SOX6: variants seen among roughly 807,000 people sequenced by gnomAD.
SOX6 encodes transcription factor SOX-6.
In SOX6, 11 loss-of-function variants were observed where a neutral mutation model predicts 97.8. The ratio of observed to expected loss-of-function variants is 0.11; its 90% CI spans 0.07 to 0.19. The LOEUF is 0.19. Among genes scored for constraint, SOX6 ranks in the 10% least tolerant of loss-of-function variants. The pLI is 1.00. For synonymous variants in SOX6, 360 were observed against 371.4 expected (o/e 0.97, Z 0.35); for missense variants, 810 against 1,039.5 (o/e 0.78, Z 3.04).
chr11:16,655,448 G>T (rs1847708191), intron 3 of SOX6, among the ~76,000 whole-genome samples: 1 of 152,098 alleles, frequency 6.6e-6, no homozygotes, highest in Admixed American at 6.5e-5. Context: ...TGACATAAAG[G>T]GCAAAAGAAT....
At chr11:16,561,976 C>T (rs969607777) in intron 4 of SOX6, among the ~76,000 whole-genome samples, 5 of 152,102 alleles carry the variant, frequency 3.3e-5, no homozygotes, top group African/African-American at 1.2e-4. Context: ...ATCCACCCGC[C>T]TTGGTCTCCC....
intron 1 of SOX6, among the ~76,000 whole-genome samples, chr11:16,416,743 A>G (rs1858933408): frequency 6.6e-6 from 1 of 152,168 alleles, no homozygotes; most frequent in South Asian, 2.1e-4. Context: ...GGTGCTTACT[A>G]TCTGCTAGGA....
intron 2 of SOX6, among the ~76,000 whole-genome samples, chr11:16,334,883 C>A (rs1856411016): frequency 6.6e-6 from 1 of 151,928 alleles, no homozygotes; most frequent in Admixed American, 6.6e-5. Context: ...AAGTATCATA[C>A]CAGTAACCCT....
chr11:16,545,093 T>G (rs535880416), intron 4 of SOX6, among the ~76,000 whole-genome samples: 8 of 151,340 alleles, frequency 5.3e-5, no homozygotes, highest in African/African-American at 9.7e-5. Flanking sequence ...GAAAATAATA[T>G]CTAAAATAAA....
chr11:16,098,327 C>T (rs1042757285), intron 7 of SOX6, among the ~76,000 whole-genome samples: 8 of 151,738 alleles, frequency 5.3e-5, no homozygotes, highest in African/African-American at 2.4e-5. Context: ...ATCATGCATA[C>T]TAAGCACTTA....
chr11:16,014,406 G>T (rs543564826), intron 13 of SOX6, among the ~76,000 whole-genome samples: 1 of 152,032 alleles, frequency 6.6e-6, no homozygotes, highest in African/African-American at 2.4e-5. Flanking sequence ...TAAAACTGCT[G>T]CAAACTATCA....
At chr11:16,212,962 C>T (rs144135721) in intron 4 of SOX6, among the ~76,000 whole-genome samples, 2 of 152,254 alleles carry the variant, frequency 1.3e-5, no homozygotes, top group Non-Finnish European at 2.9e-5. Context: ...GTACTCTGAA[C>T]AAAGAGAATT....
chr11:16,467,101 T>A (rs968032078), intron 1 of SOX6, among the ~76,000 whole-genome samples: 1 of 152,090 alleles, frequency 6.6e-6, no homozygotes, highest in Non-Finnish European at 1.5e-5. Context: ...CCATCTTATA[T>A]CAGTAAGAAT....
chr11:16,359,850 G>A (rs2134373956), upstream of SOX6, among the ~76,000 whole-genome samples: 1 of 152,260 alleles, frequency 6.6e-6, no homozygotes, highest in East Asian at 1.9e-4. Context: ...ATTACTTTAT[G>A]CTTCACAGTA....
intron 7 of SOX6, among the ~76,000 whole-genome samples, chr11:16,104,596 T>TACACACACACAC (rs528458310): frequency 6.6e-6 from 1 of 150,384 alleles, no homozygotes; most frequent in Non-Finnish European, 1.5e-5. Context: ...ATTACACACA[T>TACACACACACAC]ACACACACAC....
At chr11:16,231,521 T>C (rs1008442409) in intron 4 of SOX6, among the ~76,000 whole-genome samples, 3 of 151,780 alleles carry the variant, frequency 2.0e-5, no homozygotes, top group Non-Finnish European at 4.4e-5. Context: ...CCTGCAGATA[T>C]TACTGGTGAG....
chr11:16,666,625 G>C (rs1847808920), intron 3 of SOX6, among the ~76,000 whole-genome samples: 2 of 152,020 alleles, frequency 1.3e-5, no homozygotes, highest in Admixed American at 6.6e-5. Flanking sequence ...GGCAAATATG[G>C]CAAAACCCGT....
At chr11:16,515,063 G>T (rs1237641656) in intron 4 of SOX6, among the ~76,000 whole-genome samples, 1 of 151,250 alleles carries the variant, frequency 6.6e-6, no homozygotes, top group Non-Finnish European at 1.5e-5. Flanking sequence ...TATATACCCA[G>T]TAATGGGATG....
intron 1 of SOX6, among the ~76,000 whole-genome samples, chr11:16,374,145 T>C (rs1445763996): frequency 2.3e-4 from 35 of 152,044 alleles, no homozygotes; most frequent in Admixed American, 2.0e-3. Flanking sequence ...TGAACTCCCT[T>C]ATGTGCCTCT....
intron 4 of SOX6, among the ~76,000 whole-genome samples, chr11:16,225,754 C>A (rs1356856899): frequency 2.0e-5 from 3 of 152,162 alleles, no homozygotes; most frequent in Non-Finnish European, 4.4e-5. Context: ...GTGAAAAAAA[C>A]CATGACTTTT....
At chr11:15,991,255 C>T (rs1428435919) in intron 13 of SOX6, among the ~76,000 whole-genome samples, 1 of 152,160 alleles carries the variant, frequency 6.6e-6, no homozygotes, top group Non-Finnish European at 1.5e-5. Flanking sequence ...AATGCACTGA[C>T]CATACAGGAT....
Position 16,096,071 on chromosome 11 carries a change from T to C in SOX6, c.1026A>G (p.Leu342=). Residue 342 remains leucine (L), a synonymous_variant, in exon 9 of 16, where the codon CTA becomes CTG. Transcript: ENST00000683767. ...HPQINQRLKG[L]SDRFGRNLDT... ...CCAAATTCCTGCCAAAACGGTCACTTAGGCCCTTTAGCCTTTGGTTAATTT... is the reference window on the plus strand; with the variant it reads ...CCAAATTCCTGCCAAAACGGTCACTCAGGCCCTTTAGCCTTTGGTTAATTT... 1 of 1,611,716 alleles carries C rather than the reference T, an allele frequency of 6.2e-7. No homozygotes were observed. Among genetic ancestry groups the C allele is most frequent in the East Asian group, 2.2e-5 (1 of 44,784 alleles).
At chr11:16,354,565 A>G (rs1857027756) in intron 1 of SOX6, among the ~76,000 whole-genome samples, 1 of 152,028 alleles carries the variant, frequency 6.6e-6, no homozygotes, top group African/African-American at 2.4e-5. Context: ...AGCCTACAGC[A>G]TCTGCTGCTG....
chr11:16,446,711 T>A (rs1859618814), intron 1 of SOX6, among the ~76,000 whole-genome samples: 1 of 152,184 alleles, frequency 6.6e-6, no homozygotes, highest in South Asian at 2.1e-4. Flanking sequence ...CATTCATGTT[T>A]GAGTTCCTCT....
Sources: gnomAD v4.1 joint callset for allele counts (sites outside exome capture counted in the v4.1 genomes callset) on GRCh38, gnomAD v4.1.1 for gene constraint, MANE v1.5 for transcripts, NCBI Gene and HGNC (gene_info 2026-07-23, HGNC 2026-07-21) for gene names.